Variants in OTUD7A observed in about 807,000 individuals in gnomAD.
OTUD7A encodes the protein OTU domain-containing protein 7A.
Under a neutral mutation model 65.7 loss-of-function variants are expected in OTUD7A, and 12 were observed. That is an observed-to-expected ratio of 0.18 (90% CI 0.12 to 0.30). OTUD7A has a LOEUF of 0.30. OTUD7A is among the 10% of genes least tolerant of loss of function. OTUD7A has a pLI of 1.00. For missense variants in OTUD7A, 1,148 were observed against 1,304.8 expected (o/e 0.88, Z 1.85); for synonymous variants, 641 against 586.3 (o/e 1.09, Z -1.35).
At chr15:31,710,665 C>T (rs1893419727) in intron 1 of OTUD7A, among the ~76,000 whole-genome samples, 1 of 152,246 alleles carries the variant, frequency 6.6e-6, no homozygotes, top group South Asian at 2.1e-4. Context: ...GTTAGGTCCA[C>T]TTGGCCTACA....
chr15:31,631,715 T>C, intron 3 of OTUD7A, among the ~76,000 whole-genome samples: 1 of 152,198 alleles, frequency 6.6e-6, no homozygotes, highest in Non-Finnish European at 1.5e-5. Flanking sequence ...CCCCATCACT[T>C]TCAGGTACAC....
chr15:31,727,124 A>G (rs1332219184), intron 1 of OTUD7A, among the ~76,000 whole-genome samples: 1 of 152,178 alleles, frequency 6.6e-6, no homozygotes, highest in Non-Finnish European at 1.5e-5. Flanking sequence ...CAGGTCTCAA[A>G]TCCATCACCC....
At chr15:31,688,085 G>A (rs1346986643) in intron 1 of OTUD7A, among the ~76,000 whole-genome samples, 6 of 152,036 alleles carry the variant, frequency 3.9e-5, no homozygotes, top group Non-Finnish European at 5.9e-5. Context: ...GCGTGGTGAC[G>A]GGCGCCTGTA....
At position 31,545,488 on chromosome 15, in the gene OTUD7A, G is replaced by A. The variant is rs80281078; in HGVS notation, c.550+13481C>T. Among the ~76,000 whole-genome samples the A allele has an allele frequency of 5.2e-3, 793 of 152,176 alleles. 16 individuals are homozygous for A. The East Asian group carries it at 0.076, about 15-fold the overall frequency. ...TGAGTGAAAAGGGAACCAGTAGGGTGGGTGAAGATATTGGCAATACACACC... is the reference window on the plus strand; with the variant it reads ...TGAGTGAAAAGGGAACCAGTAGGGTAGGTGAAGATATTGGCAATACACACC... On this transcript the variant is annotated intron_variant, in intron 5 of 12. Transcript: ENST00000307050.
intron 1 of OTUD7A, among the ~76,000 whole-genome samples, chr15:31,798,232 C>T (rs1322337201): frequency 6.6e-6 from 1 of 152,116 alleles, no homozygotes; most frequent in Non-Finnish European, 1.5e-5. Context: ...CCAATTTAGT[C>T]CATAACAAAT....
In OTUD7A at chr15:31,753,662, CAT is replaced by C. The variant is rs1206653117; in HGVS notation, c.-99-96587_-99-96586del. ...TTTTTATGACTGAGTAGTATTCCAT[CAT>C]ATATATATATATAACCTGTGAGATA... On this transcript the variant is annotated intron_variant, in intron 1 of 12. Transcript: ENST00000307050. Among the ~76,000 whole-genome samples the C allele has an allele frequency of 7.9e-5, 10 of 126,938 alleles. 1 individual carries two copies. The highest frequency in any genetic ancestry group is 2.5e-4 in the South Asian group (1 of 4,040). The allele number at this position is 126,938 out of a possible 152,430, so 83.3% of individuals were successfully genotyped here.
chr15:31,859,741 G>A (rs919941297), intron 1 of OTUD7A, among the ~76,000 whole-genome samples: 8 of 152,162 alleles, frequency 5.3e-5, no homozygotes, highest in Non-Finnish European at 1.5e-5. Flanking sequence ...TTGCGGCTTG[G>A]TTGCTGATAT....
chr15:31,528,100 C>T (rs908796803), intron 6 of OTUD7A, among the ~76,000 whole-genome samples: 1 of 152,192 alleles, frequency 6.6e-6, no homozygotes, highest in African/African-American at 2.4e-5. Flanking sequence ...TGGCAGTGGC[C>T]GGGACACATG....
chr15:31,782,012 T>C lies in OTUD7A; in HGVS notation c.-100+88495A>G, dbSNP rs187817174. Among the ~76,000 whole-genome samples the C allele has an allele frequency of 2.2e-4, 33 of 152,350 alleles. No homozygotes were observed. In the East Asian group the frequency reaches 6.4e-3, roughly 29 times the overall value. The stretch of plus-strand genomic sequence containing the variant: ...AAAGCTTGTTGCTCACTTTTATTTT[T>C]CTTTTATGAACTGTTTATCCCAGTA... On this transcript the variant is annotated intron_variant, in intron 1 of 12. Coordinates refer to ENST00000307050, the MANE Select transcript of OTUD7A (RefSeq NM_001382637.1).
intron 1 of OTUD7A, among the ~76,000 whole-genome samples, chr15:31,835,104 C>T (rs1330795858): frequency 6.6e-6 from 1 of 152,172 alleles, no homozygotes; most frequent in African/African-American, 2.4e-5. Context: ...AGATGACTGT[C>T]TCAGTCTATT....
chr15:31,604,776 C>G (rs1010737445), intron 3 of OTUD7A, among the ~76,000 whole-genome samples: 2 of 152,182 alleles, frequency 1.3e-5, no homozygotes, highest in East Asian at 3.9e-4. Flanking sequence ...GGGAGGACTT[C>G]CAGGGCAGGG....
At chr15:31,530,664 G>T in intron 6 of OTUD7A, 43 bp downstream of exon 6, 2 of 1,560,084 alleles carry the variant, frequency 1.3e-6, no homozygotes, top group Non-Finnish European at 1.8e-6. Flanking sequence ...TCCTTACGCA[G>T]GCCTGGAGCC....
At chr15:31,634,775 G>A (rs1891288805) in intron 3 of OTUD7A, among the ~76,000 whole-genome samples, 1 of 152,218 alleles carries the variant, frequency 6.6e-6, no homozygotes, top group South Asian at 2.1e-4. Flanking sequence ...AACCGCCCAA[G>A]GCTTCCCCAG....
At chr15:31,535,893 G>A (rs552993998) in intron 5 of OTUD7A, among the ~76,000 whole-genome samples, 3 of 151,960 alleles carry the variant, frequency 2.0e-5, no homozygotes, top group African/African-American at 7.2e-5. Context: ...TGTTAGCCAG[G>A]ATGGTCTCAA....
At chr15:31,852,006 G>A (rs755745573) in intron 1 of OTUD7A, among the ~76,000 whole-genome samples, 3 of 152,048 alleles carry the variant, frequency 2.0e-5, no homozygotes, top group Non-Finnish European at 2.9e-5. Flanking sequence ...TTACAGGCGC[G>A]CACCACCATG....
intron 1 of OTUD7A, among the ~76,000 whole-genome samples, chr15:31,836,672 T>A (rs1192810928): frequency 6.6e-6 from 1 of 152,184 alleles, no homozygotes; most frequent in Non-Finnish European, 1.5e-5. Flanking sequence ...ATTCCAGGGA[T>A]GCAAGGCTAG....
chr15:31,853,883 A>G (rs987813504), intron 1 of OTUD7A, among the ~76,000 whole-genome samples: 1 of 152,248 alleles, frequency 6.6e-6, no homozygotes, highest in East Asian at 1.9e-4. Context: ...AGCAACCAGC[A>G]TGGGAATCAG....
At chr15:31,574,199 A>G (rs1889136429) in intron 3 of OTUD7A, among the ~76,000 whole-genome samples, 1 of 152,228 alleles carries the variant, frequency 6.6e-6, no homozygotes. Flanking sequence ...TAGTGGTTAA[A>G]AAAGTAACCA....
At chr15:31,534,973 G>A (rs73372526) in intron 5 of OTUD7A, among the ~76,000 whole-genome samples, 2,959 of 152,304 alleles carry the variant, frequency 0.019, 102 homozygotes, top group African/African-American at 0.068. Context: ...AACCTGTGCT[G>A]TTCAAGAGTC....
Sources: allele counts gnomAD v4.1 joint callset (sites outside exome capture counted in the v4.1 genomes callset), GRCh38; gene constraint gnomAD v4.1.1; transcripts MANE v1.5; gene names NCBI Gene and HGNC (gene_info 2026-07-23, HGNC 2026-07-21).